WDR88: variants seen among roughly 807,000 people sequenced by gnomAD.
WDR88 encodes WD repeat-containing protein 88.
A neutral mutation model predicts 46.8 loss-of-function variants in WDR88; 40 were observed. The observed-to-expected ratio is 0.86, with a 90% CI of 0.66 to 1.11. WDR88 has a LOEUF of 1.11. Ranked by LOEUF, WDR88 falls within the 50% of genes most tolerant of loss-of-function variation. The pLI, the probability that WDR88 is intolerant of heterozygous loss-of-function variation, is 0.00. For synonymous variants in WDR88, 235 were observed against 240.7 expected (o/e 0.98, Z 0.22); for missense variants, 562 against 602.4 (o/e 0.93, Z 0.70).
intron 1 of WDR88, among the ~76,000 whole-genome samples, chr19:33,134,760 T>C (rs1192549967): frequency 6.6e-6 from 1 of 151,772 alleles, no homozygotes; most frequent in African/African-American, 2.4e-5. Context: ...GAGCCCGCGT[T>C]CCAGTGTCCT....
intron 8 of WDR88, 96 bp from the exon 9 acceptor site, chr19:33,164,101 C>T: frequency 8.6e-7 from 1 of 1,158,508 alleles, no homozygotes; most frequent in East Asian, 2.4e-5. Context: ...TCCCAAAAGG[C>T]AGGTTACAGG....
intron 1 of WDR88, among the ~76,000 whole-genome samples, chr19:33,134,671 G>GC (rs1024123193): frequency 3.3e-5 from 5 of 152,024 alleles, no homozygotes; most frequent in Admixed American, 3.3e-4. Context: ...TGCACGCGCG[G>GC]CCCCGGCCTG....
intron 6 of WDR88, among the ~76,000 whole-genome samples, chr19:33,152,256 C>G (rs115972641): frequency 7.1e-6 from 1 of 141,028 alleles, no homozygotes; most frequent in African/African-American, 2.9e-5. Context: ...TATATATACA[C>G]GCACACAACA....
At chr19:33,174,174 C>A in intron 10 of WDR88, 1 of 1,535,926 alleles carries the variant, frequency 6.5e-7, no homozygotes, top group Non-Finnish European at 8.7e-7. Context: ...CTATTTCTTG[C>A]AAAAAAGGAA....
At chr19:33,157,740 A>G (rs1973789572) in intron 7 of WDR88, among the ~76,000 whole-genome samples, 1 of 113,094 alleles carries the variant, frequency 8.8e-6, no homozygotes, top group African/African-American at 3.6e-5. Flanking sequence ...TATATATAAA[A>G]TTAAAGAGGT....
At chr19:33,157,541 G>GTGTATATATATA (rs1973763319) in intron 7 of WDR88, among the ~76,000 whole-genome samples, 1 of 126,640 alleles carries the variant, frequency 7.9e-6, no homozygotes, top group South Asian at 2.4e-4. Context: ...ATATATATAT[G>GTGTATATATATA]TATATATATG....
At chr19:33,167,333 A>G (rs1164959955) in intron 9 of WDR88, among the ~76,000 whole-genome samples, 1 of 152,224 alleles carries the variant, frequency 6.6e-6, no homozygotes, top group East Asian at 1.9e-4. Context: ...CAACTGACAC[A>G]GAAAAGGCAT....
At position 33,175,472 on chromosome 19, in the gene WDR88, G is replaced by C. The variant is rs142286952; in HGVS notation, c.1319G>C (p.Cys440Ser). Reference protein sequence around the residue: ...SSEMFTQCVFCRIDTRGLPAD... With the variant: ...SSEMFTQCVFSRIDTRGLPAD... The stretch of plus-strand genomic sequence containing the variant: ...GAAATGTTCACCCAATGCGTGTTCT[G>C]CCGGATAGATACAAGGGGCTTGCCA... The change falls in exon 11 of 11, where the codon TGC becomes TCC. Residue 440 changes from cysteine to serine, a missense_variant. Coordinates refer to ENST00000355868, the MANE Select transcript of WDR88 (RefSeq NM_173479.4). 1.3e-4 allele frequency: 210 copies of C among 1,614,056 alleles called. No individual in the cohort carries two copies. Among genetic ancestry groups the C allele is most frequent in the Non-Finnish European group, 1.5e-4 (173 of 1,180,046 alleles).
chr19:33,133,355 C>T (rs1973180048), intron 1 of WDR88, among the ~76,000 whole-genome samples: 1 of 152,026 alleles, frequency 6.6e-6, no homozygotes, highest in African/African-American at 2.4e-5. Context: ...CGAGACCAGC[C>T]TGGCTAACAT....
intron 7 of WDR88, among the ~76,000 whole-genome samples, chr19:33,158,382 C>T (rs1057393193): frequency 4.6e-5 from 7 of 151,620 alleles, no homozygotes; most frequent in East Asian, 1.9e-4. Context: ...TGTGCCACTG[C>T]GCTCCTACAC....
At chr19:33,174,297 G>A in intron 10 of WDR88, 8 of 1,531,434 alleles carry the variant, frequency 5.2e-6, no homozygotes, top group Non-Finnish European at 7.0e-6. Flanking sequence ...CCTGCCCCAG[G>A]TAGGGTTTAC....
In WDR88 at chr19:33,137,788, G is replaced by C. The variant is rs752445648; in HGVS notation, c.387+1G>C. The C allele has an allele frequency of 8.7e-6, 14 of 1,612,014 alleles. No homozygotes were observed. The Admixed American group carries it at 2.3e-4, about 27-fold the overall frequency. On this transcript the variant is annotated splice_donor_variant, in intron 2 of 10. Transcript: ENST00000355868. LOFTEE classifies it high-confidence loss of function. ...CTATGACTGCACTGTGAAGCTGTGG[G>C]TAGGTGGCCGGCTGTTAGGTACTCC...
At chr19:33,135,782 C>T (rs1973252256) in intron 1 of WDR88, among the ~76,000 whole-genome samples, 1 of 152,208 alleles carries the variant, frequency 6.6e-6, no homozygotes, top group African/African-American at 2.4e-5. Flanking sequence ...AGGAGGTTTC[C>T]AACTATTGGC....
chr19:33,174,813 C>T (rs1164477715), intron 10 of WDR88: 1 of 954,524 alleles, frequency 1.0e-6, no homozygotes, highest in African/African-American at 1.8e-5. Context: ...ACCCCCATGG[C>T]AGGAGACATG....
At chr19:33,143,558 G>A (rs1224691235) in intron 2 of WDR88, among the ~76,000 whole-genome samples, 9 of 150,602 alleles carry the variant, frequency 6.0e-5, no homozygotes, top group Non-Finnish European at 1.0e-4. Flanking sequence ...ATGGGAGGAT[G>A]GCTTTGGCCC....
At chr19:33,173,091 C>CAAAAAAAA (rs60495323) in intron 10 of WDR88, among the ~76,000 whole-genome samples, 1 of 57,278 alleles carries the variant, frequency 1.7e-5, no homozygotes, top group African/African-American at 7.4e-5. Context: ...GACTCTGTCT[C>CAAAAAAAA]AAAAAAAAAA....
chr19:33,141,678 TTTTG>T (rs980684747), intron 2 of WDR88, among the ~76,000 whole-genome samples: 10 of 152,074 alleles, frequency 6.6e-5, no homozygotes, highest in East Asian at 1.9e-4. Context: ...GAAAAGGGTT[TTTTG>T]TTTGTTTGTT....
chr19:33,132,300 G>T lies in WDR88; in HGVS notation c.131G>T (p.Arg44Leu). The change falls in exon 1 of 11, where the codon CGC becomes CTC. Residue 44 changes from arginine (R) to leucine (L), a missense_variant. Arg to Leu is a moderately radical substitution (Grantham distance 102). Transcript: ENST00000355868. ...GGGACCATGGCGAGGGCCTTAGGCC[G>T]CTTCAAGCTGTCGATCCCGCACACG... ...SWGTMARALG[R>L]FKLSIPHTHL... The T allele has an allele frequency of 6.2e-7, 1 of 1,613,778 alleles. No homozygotes were observed. The highest frequency in any genetic ancestry group is 8.5e-7 in the Non-Finnish European group (1 of 1,180,006).
chr19:33,134,737 C>T (rs1036087227), intron 1 of WDR88, among the ~76,000 whole-genome samples: 1 of 152,194 alleles, frequency 6.6e-6, no homozygotes, highest in East Asian at 1.9e-4. Context: ...GCTCTCCACG[C>T]TCCCTGGCAA....
Sources: allele counts gnomAD v4.1 joint callset (sites outside exome capture counted in the v4.1 genomes callset), GRCh38; gene constraint gnomAD v4.1.1; transcripts MANE v1.5; gene names NCBI Gene and HGNC (gene_info 2026-07-23, HGNC 2026-07-21).